Variants in MID2 observed in about 807,000 individuals in gnomAD.
MID2 encodes midline 2.
In MID2, 13 loss-of-function variants were observed where a neutral mutation model predicts 46.1. The observed-to-expected ratio is 0.28, with a 90% CI of 0.18 to 0.45. The LOEUF is 0.45. MID2 is among the 20% of genes least tolerant of loss of function. The probability of loss-of-function intolerance (pLI) is 1.00; values close to 1 mark genes in which losing one functional copy is unlikely to be tolerated. For missense variants in MID2, 431 were observed against 575.4 expected (o/e 0.75, Z 2.57); for synonymous variants, 199 against 212.3 (o/e 0.94, Z 0.55).
At chrX:107,851,885 T>G (rs914079090) in intron 2 of MID2, among the ~76,000 whole-genome samples, 3 of 107,798 alleles carry the variant, frequency 2.8e-5, no homozygotes, top group African/African-American at 6.8e-5. Context: ...ATTTATTTAT[T>G]TATTTATTTA....
chrX:107,867,398 T>C (rs1931981330), intron 3 of MID2, among the ~76,000 whole-genome samples: 1 of 109,223 alleles, frequency 9.2e-6, no homozygotes, highest in African/African-American at 3.3e-5. Context: ...CCTGACCTTG[T>C]GATCCGCCCA....
At chrX:107,886,544 C>T (rs1287184424) in intron 3 of MID2, among the ~76,000 whole-genome samples, 1 of 111,218 alleles carries the variant, frequency 9.0e-6, no homozygotes, top group Non-Finnish European at 1.9e-5. Flanking sequence ...TATAGTTTGA[C>T]GTCAGGTAGC....
intron 3 of MID2, among the ~76,000 whole-genome samples, chrX:107,870,903 A>T (rs1415631270): frequency 9.0e-6 from 1 of 110,604 alleles, no homozygotes; most frequent in Non-Finnish European, 1.9e-5. Flanking sequence ...TCAAAGAAGC[A>T]GCTTTTGATG....
At chrX:107,840,479 A>G (rs1371277574) in intron 1 of MID2, among the ~76,000 whole-genome samples, 191 bp from the exon 2 acceptor site, 7 of 112,541 alleles carry the variant, frequency 6.2e-5, no homozygotes, top group Non-Finnish European at 1.3e-4. Flanking sequence ...GAAAATAAAC[A>G]TAGGCATTTG....
chrX:107,853,868 T>G (rs765450305), intron 2 of MID2, among the ~76,000 whole-genome samples: 1 of 111,987 alleles, frequency 8.9e-6, no homozygotes, highest in East Asian at 2.8e-4. Context: ...CACATGCTAG[T>G]AATATGACTG....
chrX:107,841,478 CAAGTGAGTTAACTTT>C (rs1269559333), intron 2 of MID2, 93 bp downstream of exon 2: 31 of 630,865 alleles, frequency 4.9e-5, no homozygotes, highest in Non-Finnish European at 7.0e-5. Context: ...TCCTATATGA[CAAGTGAGTTAACTTT>C]AAGTTGTTCT....
At chrX:107,916,158 T>C (rs1165548554) in intron 6 of MID2, 29 bp downstream of exon 6, 1 of 1,066,031 alleles carries the variant, frequency 9.4e-7, no homozygotes, top group South Asian at 2.7e-5. Flanking sequence ...TTCCTTTCCA[T>C]TTAATTTTTT....
At position 107,931,257 on chromosome X, in the gene MID2, C is replaced by G. The variant is rs1334553635; in HGVS notation, c.*4184C>G. Among the ~76,000 whole-genome samples the G allele has an allele frequency of 8.9e-6, 1 of 111,973 alleles. No homozygotes were observed. The highest frequency in any genetic ancestry group is 1.9e-5 in the Non-Finnish European group (1 of 53,138). On this transcript the variant is annotated 3_prime_UTR_variant, in exon 10 of 10. Transcript: ENST00000262843. Reference sequence around the variant, plus strand: ...GAGTGTCAGGCAGGTAGGTAAGAACCACTCCTACACTTATTTCTAGCTCCT... The same window carrying G: ...GAGTGTCAGGCAGGTAGGTAAGAACGACTCCTACACTTATTTCTAGCTCCT...
chrX:107,846,857 CGTTT>C (rs1473270569), intron 2 of MID2, among the ~76,000 whole-genome samples: 1 of 111,940 alleles, frequency 8.9e-6, no homozygotes, highest in African/African-American at 3.3e-5. Context: ...AGCTAACAAT[CGTTT>C]GTTTGAGAAC....
Position 107,865,573 on chromosome X carries a change from G to T in MID2, c.816+10869G>T, listed in dbSNP as rs2267975. On this transcript the variant is annotated intron_variant, in intron 3 of 9. Coordinates refer to ENST00000262843, the MANE Select transcript of MID2 (RefSeq NM_012216.4). Reference sequence around the variant, plus strand: ...GTTTCCCTCCCCGCCCACCCCAAAGGGTTCTTTTCAGTCCTTTGATGTTTT... The same window carrying T: ...GTTTCCCTCCCCGCCCACCCCAAAGTGTTCTTTTCAGTCCTTTGATGTTTT... Among the ~76,000 whole-genome samples the T allele has an allele frequency of 5.9e-4, 66 of 111,700 alleles. 1 individual carries two copies. In the East Asian group the frequency reaches 0.017, roughly 29 times the overall value.
chrX:107,888,477 G>A (rs1197129814), intron 3 of MID2, among the ~76,000 whole-genome samples: 1 of 112,172 alleles, frequency 8.9e-6, no homozygotes, highest in Non-Finnish European at 1.9e-5. Flanking sequence ...AGATTGCACT[G>A]TGGTCTGAGA....
At chrX:107,886,049 A>C (rs1235086311) in intron 3 of MID2, among the ~76,000 whole-genome samples, 1 of 111,533 alleles carries the variant, frequency 9.0e-6, no homozygotes, top group Non-Finnish European at 1.9e-5. Context: ...TAGATTGGAA[A>C]AATTTTCTCC....
chrX:107,917,731 C>T lies in MID2; in HGVS notation c.1427C>T (p.Ala476Val), dbSNP rs781315834. Reference sequence around the variant, plus strand: ...GTAAGCTGCTCAAGATTGGCCGGGGCGCCACGAGGCAAGTGTTTGTAAGAC... The same window carrying T: ...GTAAGCTGCTCAAGATTGGCCGGGGTGCCACGAGGCAAGTGTTTGTAAGAC... ...EAVSCSRLAG[A>V]PRGLYNSVDS... is the part of the protein sequence containing the mutation. Residue 476 changes from alanine (A) to valine (V), a missense_variant, in exon 7 of 10, where the codon GCG becomes GTG. Ala to Val is a moderately conservative substitution (Grantham distance 64). Transcript: ENST00000262843. 15 of 1,207,656 alleles carry T rather than the reference C, an allele frequency of 1.2e-5. No individual in the cohort carries two copies. Among genetic ancestry groups the T allele is most frequent in the South Asian group, 5.3e-5 (3 of 56,740 alleles).
intron 7 of MID2, among the ~76,000 whole-genome samples, chrX:107,922,958 G>A (rs959766626): frequency 1.2e-4 from 13 of 111,624 alleles, no homozygotes; most frequent in African/African-American, 4.2e-4. Flanking sequence ...ACATAGGCAA[G>A]GCCTCAAACA....
chrX:107,874,514 G>A (rs958094565), intron 3 of MID2, among the ~76,000 whole-genome samples: 2 of 111,739 alleles, frequency 1.8e-5, no homozygotes, highest in African/African-American at 6.5e-5. Context: ...GGCTGGACCA[G>A]GGCTTGTGTT....
chrX:107,886,798 T>C (rs1166774418), intron 3 of MID2, among the ~76,000 whole-genome samples: 3 of 111,858 alleles, frequency 2.7e-5, no homozygotes, highest in Non-Finnish European at 5.6e-5. Context: ...TTTTATTTCA[T>C]TGAGCAGTGT....
chrX:107,826,736 C>G (rs1314651035), intron 1 of MID2, among the ~76,000 whole-genome samples: 3 of 113,230 alleles, frequency 2.6e-5, no homozygotes, highest in African/African-American at 9.6e-5. Context: ...TGGCCGGGCC[C>G]GGCGCGGGCA....
chrX:107,825,881 G>C lies in MID2; in HGVS notation c.-546G>C. 3.9e-6 allele frequency: 1 copy of C among 258,538 alleles called. No homozygotes were observed. Among genetic ancestry groups the C allele is most frequent in the Non-Finnish European group, 6.9e-6 (1 of 145,673 alleles). The allele number at this position is 258,538 out of a possible 1,213,427, so 21.3% of individuals were successfully genotyped here. A position where few individuals can be genotyped will look rare whatever the true frequency, so the allele number is the denominator to read the frequency against. On this transcript the variant is annotated 5_prime_UTR_variant, in exon 1 of 10. Coordinates refer to ENST00000262843, the MANE Select transcript of MID2 (RefSeq NM_012216.4). ...TTCTCCGGTCACTCCTGCCAGGGGA[G>C]AAGACATGTAAACGTGCCTCCAGAG...
chrX:107,895,114 A>T (rs1932699521), intron 3 of MID2: 1 of 110,351 alleles, frequency 9.1e-6, no homozygotes. Context: ...TAACCACACA[A>T]CTATCAGAAC....
Sources: allele counts gnomAD v4.1 joint callset (sites outside exome capture counted in the v4.1 genomes callset), GRCh38; gene constraint gnomAD v4.1.1; transcripts MANE v1.5; gene names NCBI Gene and HGNC (gene_info 2026-07-23, HGNC 2026-07-21).